DPEP1: variants seen among roughly 807,000 people sequenced by gnomAD.
DPEP1 encodes the protein beta-lactamase.
In DPEP1, 50 loss-of-function variants were observed where a neutral mutation model predicts 42.3. That is an observed-to-expected ratio of 1.18 (90% confidence interval 0.94 to 1.50). DPEP1 has a LOEUF of 1.50. Ranked by LOEUF, DPEP1 falls within the 40% of genes most tolerant of loss-of-function variation. The pLI is 0.00. For synonymous variants in DPEP1, 297 were observed against 234.0 expected (o/e 1.27, Z -2.46); for missense variants, 663 against 553.0 (o/e 1.20, Z -1.99).
At chr16:89,614,514 G>GC (rs2059362247) in intron 1 of DPEP1, among the ~76,000 whole-genome samples, 1 of 152,232 alleles carries the variant, frequency 6.6e-6, no homozygotes, top group African/African-American at 2.4e-5. Context: ...CAAAGCTGTG[G>GC]CCGGGCGCGG....
chr16:89,620,196 A>G (rs1022664696), intron 1 of DPEP1, among the ~76,000 whole-genome samples: 1 of 152,020 alleles, frequency 6.6e-6, no homozygotes, highest in African/African-American at 2.4e-5. Context: ...ACTTACAGAT[A>G]AAGAAACTGA....
chr16:89,639,012 G>C (rs1031669972), downstream of DPEP1, among the ~76,000 whole-genome samples: 4 of 7,776 alleles, frequency 5.1e-4, no homozygotes, highest in Admixed American at 1.9e-3. Flanking sequence ...CACACACACC[G>C]CACCCCTGCA....
chr16:89,623,569 T>G (rs1011318842), intron 1 of DPEP1, among the ~76,000 whole-genome samples: 13 of 151,076 alleles, frequency 8.6e-5, no homozygotes, highest in Non-Finnish European at 1.9e-4. Context: ...TGTAGCTGAG[T>G]CCAAGCAGAT....
chr16:89,632,203 C>G (rs538962734), intron 2 of DPEP1, among the ~76,000 whole-genome samples: 62 of 152,270 alleles, frequency 4.1e-4, no homozygotes, highest in African/African-American at 1.4e-3. Context: ...GCGCCCGCCA[C>G]CAAGCCCGGC....
intron 1 of DPEP1, among the ~76,000 whole-genome samples, chr16:89,622,795 AAAC>A (rs990721090): frequency 1.3e-5 from 2 of 151,918 alleles, no homozygotes; most frequent in African/African-American, 2.4e-5. Flanking sequence ...AAAAAAAAAA[AAAC>A]ACACTCGTCA....
At chr16:89,638,692 GCACA>G (rs56372832), downstream of DPEP1, among the ~76,000 whole-genome samples, 10 of 71,706 alleles carry the variant, frequency 1.4e-4, no homozygotes, top group East Asian at 3.6e-4. Context: ...CCCCACCCCT[GCACA>G]CACACACACA....
intron 1 of DPEP1, chr16:89,616,981 G>C (rs1567978655): frequency 4.4e-6 from 1 of 228,280 alleles, no homozygotes; most frequent in East Asian, 1.6e-4. Context: ...GTCTGGCAGA[G>C]AATGGGGCGG....
In DPEP1 at chr16:89,621,805, C is replaced by T. The variant is rs185943751; in HGVS notation, c.-107+8086C>T. On this transcript the variant is annotated intron_variant, in intron 1 of 10. Coordinates refer to ENST00000690203, the MANE Select transcript of DPEP1 (RefSeq NM_001389466.1). The stretch of plus-strand genomic sequence containing the variant: ...TCTGCACATGTCTGTTCTAGGTACG[C>T]GGACGTATCTGACCGTGTGGGCTTG... 1.9e-3 allele frequency among the ~76,000 whole-genome samples: 296 copies of T among 152,286 alleles called. 1 individual carries two copies. Among genetic ancestry groups the T allele is most frequent in the African/African-American group, 6.9e-3 (285 of 41,562 alleles).
rs569561793 is a variant in DPEP1, at chr16:89,623,136, G to A, written c.-106-7169G>A. On this transcript the variant is annotated intron_variant, in intron 1 of 10. Coordinates refer to ENST00000690203, the MANE Select transcript of DPEP1 (RefSeq NM_001389466.1). ...TTCCCTAAACATGTTTTTGAGAATC[G>A]AGGTAGCTATTTTTAAAAATGCTGC... Among the ~76,000 whole-genome samples the A allele has an allele frequency of 3.3e-5, 5 of 151,990 alleles. No homozygotes were observed. In the East Asian group the frequency reaches 9.8e-4, roughly 30 times the overall value.
intron 1 of DPEP1, chr16:89,616,893 G>T (rs979305133): frequency 4.2e-6 from 1 of 237,182 alleles, no homozygotes; most frequent in South Asian, 3.6e-5. Context: ...CGGGAAGCAG[G>T]CAGAGAGCGG....
At chr16:89,621,857 G>A (rs1261709332) in intron 1 of DPEP1, among the ~76,000 whole-genome samples, 3 of 152,212 alleles carry the variant, frequency 2.0e-5, no homozygotes, top group African/African-American at 4.8e-5. Flanking sequence ...TCTCGTCTGC[G>A]ATGATCTGTG....
intron 1 of DPEP1, among the ~76,000 whole-genome samples, chr16:89,622,405 C>T (rs1409223251): frequency 2.6e-5 from 4 of 152,202 alleles, no homozygotes; most frequent in Non-Finnish European, 5.9e-5. Context: ...CTGCCGGCTG[C>T]ACCCTCTGGG....
chr16:89,634,352 G>T (rs1473597997), intron 2 of DPEP1, among the ~76,000 whole-genome samples: 1 of 152,122 alleles, frequency 6.6e-6, no homozygotes, highest in Non-Finnish European at 1.5e-5. Flanking sequence ...CTCCCAAAGT[G>T]CTGGGATTAC....
At chr16:89,640,498 C>A, downstream of DPEP1, 1 of 908,800 alleles carries the variant, frequency 1.1e-6, no homozygotes, top group Non-Finnish European at 1.3e-6. Context: ...CATGGAGCAG[C>A]AGCCCCTGCA....
chr16:89,618,692 C>G (rs1027720790), intron 1 of DPEP1, among the ~76,000 whole-genome samples: 6 of 152,054 alleles, frequency 3.9e-5, no homozygotes, highest in Non-Finnish European at 8.8e-5. Flanking sequence ...GAGACGAGGT[C>G]TCCTTGTGTT....
intron 1 of DPEP1, among the ~76,000 whole-genome samples, chr16:89,628,806 G>A (rs1259572876): frequency 6.6e-6 from 1 of 151,964 alleles, no homozygotes; most frequent in Non-Finnish European, 1.5e-5. Flanking sequence ...GGTTTGTGGG[G>A]GAGGGGGGGC....
intron 2 of DPEP1, among the ~76,000 whole-genome samples, chr16:89,635,494 A>C (rs1358099766): frequency 6.6e-6 from 1 of 152,142 alleles, no homozygotes; most frequent in East Asian, 1.9e-4. Context: ...CCCAAGAGGC[A>C]ATTTGATCTT....
chr16:89,628,450 G>A (rs1039023243), intron 1 of DPEP1, among the ~76,000 whole-genome samples: 3 of 149,928 alleles, frequency 2.0e-5, no homozygotes, highest in Admixed American at 6.7e-5. Flanking sequence ...TAGAGACGGG[G>A]TTTCACCATG....
In DPEP1 at chr16:89,637,848, G is replaced by T; in HGVS notation, c.942G>T (p.Gly314=). 1 of 1,612,790 alleles carries T rather than the reference G, an allele frequency of 6.2e-7. No individual in the cohort carries two copies. The highest frequency in any genetic ancestry group is 1.7e-5 in the Admixed American group (1 of 60,006). Residue 314 remains glycine (G), a synonymous_variant, in exon 10 of 11, where the codon GGG becomes GGT. Transcript: ENST00000690203. ...GGCCTCAACACAGGGTCCCTGAGGG[G>T]CTGGAGGACGTCTCCAAGTATCCAG... ...DFDGVPRVPE[G]LEDVSKYPDL...
Sources: gnomAD v4.1 joint callset for allele counts (sites outside exome capture counted in the v4.1 genomes callset) on GRCh38, gnomAD v4.1.1 for gene constraint, MANE v1.5 for transcripts, NCBI Gene and HGNC (gene_info 2026-07-23, HGNC 2026-07-21) for gene names.